Variants in RANBP17 observed in about 807,000 individuals in gnomAD.
RANBP17 encodes the protein RAN binding protein 17.
In RANBP17, 158 loss-of-function variants were observed where a neutral mutation model predicts 141.2. The observed-to-expected ratio is 1.12, with a 90% CI of 0.98 to 1.28. The LOEUF (loss-of-function observed/expected upper bound fraction) is 1.28, where lower values mean the gene tolerates loss of function less well. Among genes scored for constraint, RANBP17 ranks in the 50% most tolerant of loss-of-function variants. The pLI is 0.00. For synonymous variants in RANBP17, 430 were observed against 450.0 expected (o/e 0.96, Z 0.56); for missense variants, 1,438 against 1,290.7 (o/e 1.11, Z -1.75).
chr5:171,168,737 G>C (rs1759881827), intron 14 of RANBP17, among the ~76,000 whole-genome samples: 1 of 152,136 alleles, frequency 6.6e-6, no homozygotes. Context: ...ACTCTCATGG[G>C]CAAAGTCACA....
intron 14 of RANBP17, among the ~76,000 whole-genome samples, chr5:171,135,922 T>C (rs1304996705): frequency 6.6e-6 from 1 of 152,142 alleles, no homozygotes; most frequent in African/African-American, 2.4e-5. Flanking sequence ...CAATCAAAGA[T>C]TAATTTGCTT....
chr5:171,019,391 CT>C (rs987791546), intron 14 of RANBP17, among the ~76,000 whole-genome samples: 4 of 150,628 alleles, frequency 2.7e-5, no homozygotes, highest in East Asian at 1.9e-4. Flanking sequence ...TGGTTCTGGG[CT>C]TTTTTTTTGT....
At chr5:170,878,880 C>G (rs1768415952) in intron 2 of RANBP17, among the ~76,000 whole-genome samples, 1 of 152,006 alleles carries the variant, frequency 6.6e-6, no homozygotes, top group Non-Finnish European at 1.5e-5. Flanking sequence ...TGTAGACTTT[C>G]TGGGCCAGGA....
chr5:171,019,463 G>T (rs764382143), intron 14 of RANBP17, among the ~76,000 whole-genome samples: 1 of 152,004 alleles, frequency 6.6e-6, no homozygotes, highest in Non-Finnish European at 1.5e-5. Context: ...TCAGGGATTG[G>T]AGTTATTCCT....
At chr5:170,881,485 C>T (rs961000201) in intron 2 of RANBP17, among the ~76,000 whole-genome samples, 2 of 152,052 alleles carry the variant, frequency 1.3e-5, no homozygotes, top group Admixed American at 6.6e-5. Flanking sequence ...TAATCAGAGG[C>T]CAGATGATGT....
intron 12 of RANBP17, among the ~76,000 whole-genome samples, chr5:170,933,897 T>G (rs1272936999): frequency 6.6e-6 from 1 of 152,188 alleles, no homozygotes; most frequent in Non-Finnish European, 1.5e-5. Flanking sequence ...TCTGTTGATT[T>G]GGGGTGGAGC....
intron 14 of RANBP17, among the ~76,000 whole-genome samples, chr5:170,985,091 G>A (rs1376658933): frequency 6.8e-5 from 10 of 146,802 alleles, no homozygotes; most frequent in Admixed American, 2.0e-4. Context: ...ACACACACAC[G>A]CAGAACCACA....
chr5:171,194,420 A>G (rs1761841292), intron 18 of RANBP17, among the ~76,000 whole-genome samples: 1 of 152,044 alleles, frequency 6.6e-6, no homozygotes, highest in African/African-American at 2.4e-5. Context: ...GTCTGTATGG[A>G]TTTGTCTATT....
rs746196540 is a variant in RANBP17 at position 170,896,061 on chromosome 5, A to G, written c.435A>G (p.Glu145=). 1 of 1,605,154 alleles carries G rather than the reference A, an allele frequency of 6.2e-7. No homozygotes were observed. Among genetic ancestry groups the G allele is most frequent in the Non-Finnish European group, 8.5e-7 (1 of 1,175,904 alleles). Residue 145 remains glutamate, a synonymous_variant, in exon 5 of 28, where the codon GAA becomes GAG. Coordinates refer to ENST00000523189, the MANE Select transcript of RANBP17 (RefSeq NM_022897.5). ...DVKKFLQGTV[E]HCIIGVIILS... ...TATTTTCTCCAAAGGGTACTGTGGA[A>G]CACTGCATAATAGGAGTAATAATCC...
At chr5:170,882,682 A>G (rs1221873424) in intron 3 of RANBP17, among the ~76,000 whole-genome samples, 1 of 152,246 alleles carries the variant, frequency 6.6e-6, no homozygotes, top group Non-Finnish European at 1.5e-5. Flanking sequence ...TCAGGATGCT[A>G]TATCAAAATC....
rs1762194119 is a variant in RANBP17 at position 171,199,743 on chromosome 5, C to G, written c.2112C>G (p.Phe704Leu). ...CTTTTGAAACAGTATTACAAATATT[C>G]AACAACAACTTTAAACAAGAAGATG... ...TVAFETVLQIFNNNFKQEDVK... is the reference protein window; with the variant it reads ...TVAFETVLQILNNNFKQEDVK... Residue 704 changes from phenylalanine to leucine, a missense_variant, in exon 19 of 28, where the codon TTC (phenylalanine) becomes TTG (leucine). Coordinates refer to ENST00000523189, the MANE Select transcript of RANBP17 (RefSeq NM_022897.5). 6.2e-7 allele frequency: 1 copy of G among 1,606,772 alleles called. No individual in the cohort carries two copies. The highest frequency in any genetic ancestry group is 8.5e-7 in the Non-Finnish European group (1 of 1,175,036).
chr5:171,084,311 A>C (rs201575666), intron 14 of RANBP17, among the ~76,000 whole-genome samples: 7,189 of 145,540 alleles, frequency 0.049, 198 homozygotes, highest in East Asian at 0.11. Flanking sequence ...TTATGGCTGC[A>C]TAGTATTCCA....
intron 14 of RANBP17, among the ~76,000 whole-genome samples, chr5:171,146,784 T>C (rs1758055642): frequency 6.6e-6 from 1 of 152,208 alleles, no homozygotes; most frequent in African/African-American, 2.4e-5. Flanking sequence ...TATACATATA[T>C]CCTTCATAAT....
chr5:171,055,908 A>AC (rs1783331402), intron 14 of RANBP17, among the ~76,000 whole-genome samples: 1 of 144,502 alleles, frequency 6.9e-6, no homozygotes, highest in African/African-American at 2.5e-5. Context: ...AAAAAAAAAA[A>AC]CATTCTTATT....
intron 14 of RANBP17, among the ~76,000 whole-genome samples, chr5:171,022,838 T>C (rs1023812479): frequency 4.6e-5 from 7 of 152,200 alleles, no homozygotes; most frequent in Non-Finnish European, 7.3e-5. Context: ...CTTGGTAGGC[T>C]TAAGCAGATT....
At chr5:170,922,609 G>A (rs995854628) in intron 11 of RANBP17, among the ~76,000 whole-genome samples, 2 of 152,234 alleles carry the variant, frequency 1.3e-5, no homozygotes, top group East Asian at 1.9e-4. Flanking sequence ...CTCCGTGGGC[G>A]TGGGACCCAC....
intron 16 of RANBP17, among the ~76,000 whole-genome samples, chr5:171,173,358 A>T (rs543655832): frequency 6.6e-6 from 1 of 152,196 alleles, no homozygotes; most frequent in South Asian, 2.1e-4. Flanking sequence ...CAAAACCATC[A>T]CCTATAGGCC....
chr5:170,925,426 T>TG (rs1772837699), intron 12 of RANBP17, among the ~76,000 whole-genome samples: 1 of 152,160 alleles, frequency 6.6e-6, no homozygotes. Context: ...GTAAATTAAA[T>TG]GGGGACAACT....
At chr5:170,985,706 C>G (rs1227645648) in intron 14 of RANBP17, among the ~76,000 whole-genome samples, 1 of 152,104 alleles carries the variant, frequency 6.6e-6, no homozygotes, top group African/African-American at 2.4e-5. Flanking sequence ...GGAAAACATT[C>G]CAATTGAAGG....
Sources: gnomAD v4.1 joint callset for allele counts (sites outside exome capture counted in the v4.1 genomes callset) on GRCh38, gnomAD v4.1.1 for gene constraint, MANE v1.5 for transcripts, NCBI Gene and HGNC (gene_info 2026-07-23, HGNC 2026-07-21) for gene names.